Variants in DNAJB6 observed in about 807,000 individuals in gnomAD.
DNAJB6 encodes the protein dnaJ homolog subfamily B member 6.
In DNAJB6, 16 loss-of-function variants were observed where a neutral mutation model predicts 42.7. That is an observed-to-expected ratio of 0.37 (90% confidence interval 0.25 to 0.57). The LOEUF (loss-of-function observed/expected upper bound fraction) is 0.57. Ranked by LOEUF, DNAJB6 falls within the 20% of genes least tolerant of loss-of-function variation. The probability of loss-of-function intolerance (pLI) is 0.74; values close to 1 mark genes in which losing one functional copy is unlikely to be tolerated. For synonymous variants in DNAJB6, 170 were observed against 163.5 expected (o/e 1.04, Z -0.30); for missense variants, 347 against 416.8 (o/e 0.83, Z 1.46).
chr7:157,370,629 G>C (rs1341707037), intron 5 of DNAJB6: 1 of 152,540 alleles, frequency 6.6e-6, no homozygotes, highest in Non-Finnish European at 1.5e-5. Flanking sequence ...CTAGTCCAAG[G>C]AGAGAGGTGC....
At chr7:157,358,205 A>G (rs1181720379) in intron 1 of DNAJB6, among the ~76,000 whole-genome samples, 1 of 152,242 alleles carries the variant, frequency 6.6e-6, no homozygotes, top group Non-Finnish European at 1.5e-5. Flanking sequence ...TTCCCTGAGC[A>G]CAGACCGTGT....
At chr7:157,412,003 G>A (rs1174114859) in intron 9 of DNAJB6, 2 of 152,242 alleles carry the variant, frequency 1.3e-5, no homozygotes, top group African/African-American at 4.8e-5. Context: ...TGGATCTTCC[G>A]TTTTGCGGCT....
chr7:157,338,285 C>G (rs1340332868), intron 1 of DNAJB6, among the ~76,000 whole-genome samples: 1 of 152,092 alleles, frequency 6.6e-6, no homozygotes, highest in South Asian at 2.1e-4. Context: ...CCGCCTTACT[C>G]CTCCGCCAGT....
intron 1 of DNAJB6, among the ~76,000 whole-genome samples, chr7:157,352,557 C>T (rs544388375): frequency 2.9e-4 from 44 of 152,076 alleles, no homozygotes; most frequent in South Asian, 2.1e-3. Flanking sequence ...GAGGGTGTGG[C>T]ATCTCTGCAG....
chr7:157,340,162 C>T (rs547068292), intron 1 of DNAJB6: 4 of 152,182 alleles, frequency 2.6e-5, no homozygotes, highest in Non-Finnish European at 4.4e-5. Context: ...ATTTTTACTT[C>T]TTAGTATTTA....
At position 157,363,161 on chromosome 7, in the gene DNAJB6, A is replaced by T. The variant is rs140662370; in HGVS notation, c.66A>T (p.Ala22=). The change falls in exon 3 of 10, where the codon GCA becomes GCT. Residue 22 remains alanine (A), a splice_region_variant and synonymous_variant. Transcript: ENST00000262177. ...ATCTATATCCTTTATTCTTTCCAAG[A>T]TATCGGAAACTGGCACTGAAGTGGC... ...RHASPEDIKK[A]YRKLALKWHP... is the part of the protein sequence containing the mutation. 1.3e-6 allele frequency: 2 copies of T among 1,596,266 alleles called. No homozygotes were observed. Among genetic ancestry groups the T allele is most frequent in the Non-Finnish European group, 1.7e-6 (2 of 1,167,878 alleles).
intron 5 of DNAJB6, among the ~76,000 whole-genome samples, chr7:157,376,335 T>TA (rs1800470807): frequency 6.6e-6 from 1 of 151,988 alleles, no homozygotes; most frequent in Admixed American, 6.5e-5. Flanking sequence ...TTGTTAATGT[T>TA]ATGGGCCCCT....
intron 5 of DNAJB6, chr7:157,381,413 G>A (rs1339841270): frequency 6.6e-6 from 1 of 152,032 alleles, no homozygotes; most frequent in African/African-American, 2.4e-5. Context: ...CAGAACCCAG[G>A]TAAATTAAAA....
intron 8 of DNAJB6, among the ~76,000 whole-genome samples, chr7:157,394,735 C>T (rs1238051791): frequency 2.6e-5 from 4 of 152,008 alleles, no homozygotes; most frequent in African/African-American, 4.8e-5. Context: ...GTGCGATTTC[C>T]CTCTTGTGAA....
At chr7:157,387,638 C>T (rs568754712) in intron 8 of DNAJB6, among the ~76,000 whole-genome samples, 1 of 152,240 alleles carries the variant, frequency 6.6e-6, no homozygotes, top group Admixed American at 6.5e-5. Flanking sequence ...TTTGCTATAG[C>T]GTTGGTACTA....
intron 4 of DNAJB6, among the ~76,000 whole-genome samples, 158 bp downstream of exon 4, chr7:157,366,719 G>T (rs1452286086): frequency 6.6e-6 from 1 of 152,102 alleles, no homozygotes; most frequent in Admixed American, 6.5e-5. Flanking sequence ...GAAATTGATG[G>T]CATTTAAAAG....
chr7:157,399,714 G>C (rs1268328577), intron 8 of DNAJB6, among the ~76,000 whole-genome samples: 1 of 152,058 alleles, frequency 6.6e-6, no homozygotes, highest in Non-Finnish European at 1.5e-5. Flanking sequence ...TGTCGCCCAA[G>C]CTGGAGAGCA....
intron 8 of DNAJB6, among the ~76,000 whole-genome samples, chr7:157,392,314 T>TTACA (rs1028366733): frequency 6.6e-6 from 1 of 152,016 alleles, no homozygotes; most frequent in African/African-American, 2.4e-5. Flanking sequence ...TAGGAGCCCT[T>TTACA]TACATGCTAG....
At chr7:157,351,990 C>T (rs1474038381) in intron 1 of DNAJB6, among the ~76,000 whole-genome samples, 3 of 151,676 alleles carry the variant, frequency 2.0e-5, no homozygotes, top group Non-Finnish European at 4.4e-5. Flanking sequence ...GAGCGAGACA[C>T]TATCTCAAAA....
At chr7:157,350,298 A>G (rs1798901987) in intron 1 of DNAJB6, among the ~76,000 whole-genome samples, 1 of 152,202 alleles carries the variant, frequency 6.6e-6, no homozygotes, top group South Asian at 2.1e-4. Flanking sequence ...ACTGTGAAGA[A>G]TTGTAAGGGT....
intron 5 of DNAJB6, among the ~76,000 whole-genome samples, chr7:157,374,235 C>T (rs904274246): frequency 1.6e-4 from 24 of 151,986 alleles, no homozygotes; most frequent in African/African-American, 5.8e-4. Context: ...GAGAACTCCT[C>T]GTGTTGAGAT....
intron 8 of DNAJB6, among the ~76,000 whole-genome samples, chr7:157,407,033 C>T (rs897498119): frequency 6.6e-6 from 1 of 152,220 alleles, no homozygotes; most frequent in African/African-American, 2.4e-5. Flanking sequence ...GAAGACAGGT[C>T]CTCGGACACC....
At chr7:157,354,112 G>C (rs573300528) in intron 1 of DNAJB6, among the ~76,000 whole-genome samples, 1 of 152,174 alleles carries the variant, frequency 6.6e-6, no homozygotes, top group African/African-American at 2.4e-5. Flanking sequence ...TGTATCTGTT[G>C]TGATAATAAT....
chr7:157,362,744 C>G (rs920528924), intron 2 of DNAJB6, among the ~76,000 whole-genome samples: 1 of 152,190 alleles, frequency 6.6e-6, no homozygotes, highest in African/African-American at 2.4e-5. Context: ...CTTTATTTTT[C>G]TATCTCTAGA....
Sources: gnomAD v4.1 joint callset for allele counts (sites outside exome capture counted in the v4.1 genomes callset) on GRCh38, gnomAD v4.1.1 for gene constraint, MANE v1.5 for transcripts, NCBI Gene and HGNC (gene_info 2026-07-23, HGNC 2026-07-21) for gene names.